The following A2ML1 variants were observed in gnomAD, a reference collection of about 807,000 sequenced individuals.
A2ML1 encodes alpha-2-macroglobulin-like protein 1.
A2ML1 carries 161 observed loss-of-function variants against 181.9 expected under a neutral mutation model. The ratio of observed to expected loss-of-function variants is 0.89; its 90% confidence interval spans 0.78 to 1.01. The LOEUF (loss-of-function observed/expected upper bound fraction) is 1.01, where lower values mean the gene tolerates loss of function less well. Among genes scored for constraint, A2ML1 ranks in the 50% least tolerant of loss-of-function variants. The pLI is 0.00. For synonymous variants in A2ML1, 663 were observed against 666.8 expected (o/e 0.99, Z 0.09); for missense variants, 1,670 against 1,768.1 (o/e 0.94, Z 1.00).
chr12:8,867,179 T>C (rs1309345030), intron 29 of A2ML1, among the ~76,000 whole-genome samples: 1 of 152,230 alleles, frequency 6.6e-6, no homozygotes, highest in African/African-American at 2.4e-5. Flanking sequence ...GGCTATCAAG[T>C]TACTACTGTT....
At chr12:8,883,406 C>T (rs948803461) in intron 7 of A2ML1, among the ~76,000 whole-genome samples, 1 of 152,220 alleles carries the variant, frequency 6.6e-6, no homozygotes, top group Non-Finnish European at 1.5e-5. Flanking sequence ...TTAGGTTTGG[C>T]CATGTGGCAG....
At chr12:8,834,913 C>T in intron 5 of A2ML1, 1 of 558,744 alleles carries the variant, frequency 1.8e-6, no homozygotes, top group Non-Finnish European at 3.2e-6. Flanking sequence ...TCTGTAATGA[C>T]TACACCGCTC....
At chr12:8,878,613 A>G (rs901287309), downstream of A2ML1, among the ~76,000 whole-genome samples, 4 of 152,194 alleles carry the variant, frequency 2.6e-5, no homozygotes, top group Non-Finnish European at 5.9e-5. The surrounding 1 kb of genome is among the most constrained non-coding windows in gnomAD (Gnocchi z 4.4). Context: ...ATACCCATGT[A>G]ACAAAACCTG....
chr12:8,824,045 C>T (rs1240927296), intron 3 of A2ML1, among the ~76,000 whole-genome samples, 163 bp downstream of exon 3: 2 of 151,764 alleles, frequency 1.3e-5, no homozygotes, highest in African/African-American at 2.4e-5. Context: ...ATACATGCTG[C>T]GCTACACAAG....
rs1944756500 is a variant in A2ML1 at position 8,875,000 on chromosome 12, C to T, written c.4354C>T (p.Pro1452Ser). 3 of 1,613,950 alleles carry T rather than the reference C, an allele frequency of 1.9e-6. No individual in the cohort carries two copies. The highest frequency in any genetic ancestry group is 1.7e-5 in the Admixed American group (1 of 60,004). ...ACAGGCAACAATTCAGTATTCTGAT[C>T]CCTGTGAATGAGGTAAGTCCAGCGG... ...DEQATIQYSD[P>S]CE The change falls in exon 35 of 36, where the codon CCC (proline) becomes TCC (serine). Residue 1452 changes from proline to serine, a missense_variant. Pro to Ser is a moderately conservative substitution (Grantham distance 74, BLOSUM62 -1). Transcript: ENST00000299698.
At chr12:8,874,934 C>A in intron 34 of A2ML1, 37 bp from the exon 35 acceptor site, 4 of 1,607,900 alleles carry the variant, frequency 2.5e-6, no homozygotes, top group Non-Finnish European at 3.4e-6. Context: ...ATATAGGAGG[C>A]CCTCAAAGTA....
chr12:8,849,421 C>T (rs948968987), intron 16 of A2ML1, among the ~76,000 whole-genome samples: 1 of 152,090 alleles, frequency 6.6e-6, no homozygotes, highest in Non-Finnish European at 1.5e-5. Flanking sequence ...AAGGACATAG[C>T]GAATAATATT....
At chr12:8,848,475 C>T (rs772628265) in intron 15 of A2ML1, among the ~76,000 whole-genome samples, 6 of 149,260 alleles carry the variant, frequency 4.0e-5, no homozygotes, top group South Asian at 2.1e-4. Flanking sequence ...AGCAAGACTC[C>T]GTCTCAAAAA....
At chr12:8,883,760 AGCCACCATACCTG>A (rs1463070686) in intron 7 of A2ML1, among the ~76,000 whole-genome samples, 11 of 150,162 alleles carry the variant, frequency 7.3e-5, no homozygotes, top group African/African-American at 2.7e-4. Flanking sequence ...TTATAGGTTG[AGCCACCATACCTG>A]GCCTGTTTTT....
chr12:8,854,897 T>TTC (rs35075098), intron 22 of A2ML1, 66 bp downstream of exon 22: 51 of 542,546 alleles, frequency 9.4e-5, no homozygotes, highest in Non-Finnish European at 1.3e-4. Flanking sequence ...TTTCTTTTCA[T>TTC]TTTTTTTTTT....
chr12:8,839,910 G>A (rs1345187741), intron 10 of A2ML1, among the ~76,000 whole-genome samples: 1 of 151,924 alleles, frequency 6.6e-6, no homozygotes, highest in Non-Finnish European at 1.5e-5. Flanking sequence ...CCCATGCCTG[G>A]CTAATTTTGT....
At chr12:8,842,510 C>T (rs914873092) in intron 11 of A2ML1, among the ~76,000 whole-genome samples, 4 of 152,164 alleles carry the variant, frequency 2.6e-5, no homozygotes, top group Admixed American at 1.3e-4. Flanking sequence ...TGAGCCACCG[C>T]GCCCGGCCCC....
chr12:8,837,068 G>T (rs1943304808), intron 7 of A2ML1, among the ~76,000 whole-genome samples: 1 of 152,010 alleles, frequency 6.6e-6, no homozygotes, highest in Non-Finnish European at 1.5e-5. Context: ...ACGCAGGCTG[G>T]GGTGCAGTGG....
At chr12:8,877,017 A>G (rs1040736725), downstream of A2ML1, among the ~76,000 whole-genome samples, 30 of 152,150 alleles carry the variant, frequency 2.0e-4, no homozygotes, top group Non-Finnish European at 4.4e-4. Context: ...ATTACAAGAA[A>G]AGTGGCTGGC....
chr12:8,870,275 CT>C (rs11321118), intron 33 of A2ML1, among the ~76,000 whole-genome samples: 6,426 of 149,122 alleles, frequency 0.043, 421 homozygotes, highest in African/African-American at 0.15. Flanking sequence ...TTTCTTTTTT[CT>C]TTTTTTTTTG....
intron 4 of A2ML1, among the ~76,000 whole-genome samples, chr12:8,832,857 G>C (rs1943160444): frequency 1.3e-5 from 2 of 152,056 alleles, no homozygotes; most frequent in Admixed American, 1.3e-4. Flanking sequence ...CATTTACACA[G>C]CACAATATTT....
Position 8,868,581 on chromosome 12 carries a change from T to C in A2ML1, c.4106T>C (p.Val1369Ala), listed in dbSNP as rs1232032604. 1 of 1,614,040 alleles carries C rather than the reference T, an allele frequency of 6.2e-7. No individual in the cohort carries two copies. The highest frequency in any genetic ancestry group is 1.3e-5 in the African/African-American group (1 of 74,992). ...TCTTCCAATATGGCTATTGTGGAAG[T>C]GAAGATGCTATCTGGGTTCAGTCCC... ...RSSSNMAIVE[V>A]KMLSGFSPME... The change falls in exon 32 of 36, where the codon GTG becomes GCG. Residue 1369 changes from valine to alanine, a missense_variant. Val to Ala is a moderately conservative substitution (Grantham distance 64). Transcript: ENST00000299698.
intron 2 of A2ML1, 25 bp downstream of exon 2, chr12:8,823,390 C>A (rs748999039): frequency 6.3e-7 from 1 of 1,598,336 alleles, no homozygotes; most frequent in South Asian, 1.1e-5. Flanking sequence ...AGCCCTCACT[C>A]GAATCCCTTA....
At chr12:8,831,668 C>T (rs908574342) in intron 4 of A2ML1, among the ~76,000 whole-genome samples, 10 of 152,224 alleles carry the variant, frequency 6.6e-5, no homozygotes, top group Non-Finnish European at 1.0e-4. Flanking sequence ...TCACCCAGAG[C>T]CGGCTGTGTG....
Sources: allele counts gnomAD v4.1 joint callset (sites outside exome capture counted in the v4.1 genomes callset), GRCh38; gene constraint gnomAD v4.1.1; non-coding constraint Gnocchi (gnomAD v3.1); transcripts MANE v1.5; gene names NCBI Gene and HGNC (gene_info 2026-07-23, HGNC 2026-07-21).